PSG5: variants seen among roughly 807,000 people sequenced by gnomAD.
PSG5 encodes the protein pregnancy-specific beta-1-glycoprotein 5.
Under a neutral mutation model 37.7 loss-of-function variants are expected in PSG5, and 53 were observed. The ratio of observed to expected loss-of-function variants is 1.41; its 90% CI spans 1.13 to 1.77. PSG5 has a LOEUF of 1.77. PSG5 is among the 40% of genes most tolerant of loss of function. The pLI, the probability that PSG5 is intolerant of heterozygous loss-of-function variation, is 0.00. For synonymous variants in PSG5, 221 were observed against 155.4 expected (o/e 1.42, Z -3.14); for missense variants, 547 against 405.2 (o/e 1.35, Z -3.00).
chr19:43,184,192 T>A (rs1969192995), intron 2 of PSG5, among the ~76,000 whole-genome samples: 1 of 151,694 alleles, frequency 6.6e-6, no homozygotes, highest in South Asian at 2.1e-4. Context: ...CCACTCTGAG[T>A]GTCAGGTGAA....
At chr19:43,182,702 A>T (rs987032955) in intron 2 of PSG5, among the ~76,000 whole-genome samples, 1 of 56,094 alleles carries the variant, frequency 1.8e-5, no homozygotes, top group African/African-American at 7.8e-5. Context: ...CAACATTTCA[A>T]TAATTTTTTT....
At chr19:43,169,195 T>C (rs1968850715) in intron 5 of PSG5, among the ~76,000 whole-genome samples, 2 of 151,738 alleles carry the variant, frequency 1.3e-5, no homozygotes, top group Non-Finnish European at 2.9e-5. Context: ...AGGTCTCATT[T>C]CCTGTCTTAG....
At chr19:43,173,259 A>C (rs1460814041) in intron 4 of PSG5, among the ~76,000 whole-genome samples, 1 of 151,706 alleles carries the variant, frequency 6.6e-6, no homozygotes, top group East Asian at 1.9e-4. Flanking sequence ...TAAAAACTAC[A>C]GAACTCTTAG....
At chr19:43,174,091 C>G (rs1474476721) in intron 4 of PSG5, 2 of 151,550 alleles carry the variant, frequency 1.3e-5, no homozygotes, top group African/African-American at 4.9e-5. Context: ...AGATATTATG[C>G]TAACTGAAAT....
At chr19:43,179,031 C>T in intron 2 of PSG5, 2 of 1,612,734 alleles carry the variant, frequency 1.2e-6, no homozygotes, top group Non-Finnish European at 1.7e-6. Context: ...CATAGGGAGG[C>T]TCTGACCATT....
Position 43,175,475 on chromosome 19 carries a change from G to C in PSG5, c.710-6C>G, listed in dbSNP as rs372452998. 21 of 1,601,348 alleles carry C rather than the reference G, an allele frequency of 1.3e-5. No individual in the cohort carries two copies. Among genetic ancestry groups the C allele is most frequent in the Non-Finnish European group, 1.7e-5 (20 of 1,173,482 alleles). ...GCTGGGGAGGTCTGGACCATCTGGAGCAAAGAGAATGAAGCCACAGGTGAT... is the reference window on the plus strand; with the variant it reads ...GCTGGGGAGGTCTGGACCATCTGGACCAAAGAGAATGAAGCCACAGGTGAT... On this transcript the variant is annotated splice_polypyrimidine_tract_variant and splice_region_variant and intron_variant, in intron 3 of 5. Coordinates refer to ENST00000342951, the MANE Select transcript of PSG5 (RefSeq NM_002781.4).
rs8107936 is a variant in PSG5, at chr19:43,186,354, G to A, written c.52C>T (p.Leu18Phe). 1 of 1,611,590 alleles carries A rather than the reference G, an allele frequency of 6.2e-7. No homozygotes were observed. The highest frequency in any genetic ancestry group is 2.2e-5 in the East Asian group (1 of 44,848). The change falls in exon 1 of 6, where the codon CTC (leucine) becomes TTC (phenylalanine). Residue 18 changes from leucine (L) to phenylalanine (F), a missense_variant. Coordinates refer to ENST00000342951, the MANE Select transcript of PSG5 (RefSeq NM_002781.4). ...PCTQHITWKG[L>F]LLTASLLNFW... ...GTTCTCTCCTCACCTGTGAGCAGGA[G>A]CCCCTTCCAGGTGATGTGCTGTGTG...
intron 2 of PSG5, among the ~76,000 whole-genome samples, chr19:43,184,510 G>A (rs1035233414): frequency 6.6e-6 from 1 of 151,508 alleles, no homozygotes; most frequent in East Asian, 1.9e-4. Flanking sequence ...GGCATGAGGT[G>A]CTTGGCTGAG....
Position 43,184,863 on chromosome 19 carries a change from C to T in PSG5, c.349G>A (p.Ala117Thr), listed in dbSNP as rs752397188. The T allele has an allele frequency of 1.8e-5, 29 of 1,612,432 alleles. 2 individuals are homozygous for T. The African/African-American group carries it at 2.0e-4, about 11-fold the overall frequency. ...ATGATGTGTAAGGTGTAGGATCCTGCGTCTTCCCGGGTGACATTCTGGATC... is the reference window on the plus strand; with the variant it reads ...ATGATGTGTAAGGTGTAGGATCCTGTGTCTTCCCGGGTGACATTCTGGATC... ...LLIQNVTRED[A>T]GSYTLHIIKR... Residue 117 changes from alanine to threonine, a missense_variant, in exon 2 of 6, where the codon GCA becomes ACA. By Grantham distance (58) the Ala-to-Thr change is moderately conservative. Coordinates refer to ENST00000342951, the MANE Select transcript of PSG5 (RefSeq NM_002781.4).
intron 5 of PSG5, 60 bp downstream of exon 5, chr19:43,169,995 C>G: frequency 9.1e-7 from 1 of 1,096,654 alleles, no homozygotes; most frequent in East Asian, 2.8e-5. Context: ...AGTCTTTTCC[C>G]TCTCCCAAGC....
At chr19:43,180,625 A>C (rs865802969) in intron 2 of PSG5, 1 of 151,684 alleles carries the variant, frequency 6.6e-6, no homozygotes, top group Non-Finnish European at 1.5e-5. Flanking sequence ...TGGAGGAAAC[A>C]TTAAAATGTT....
At chr19:43,176,290 T>G in intron 2 of PSG5, 142 bp from the exon 3 acceptor site, 1 of 1,414,542 alleles carries the variant, frequency 7.1e-7, no homozygotes, top group Non-Finnish European at 9.6e-7. Flanking sequence ...TGTCACAAGA[T>G]AGATGCATGA....
intron 2 of PSG5, among the ~76,000 whole-genome samples, chr19:43,178,683 G>C (rs1568373502): frequency 1.3e-5 from 2 of 151,738 alleles, no homozygotes; most frequent in South Asian, 4.2e-4. Context: ...CCCATGACAG[G>C]AGCAGCCTCT....
chr19:43,183,272 G>C, intron 2 of PSG5: 3 of 350,580 alleles, frequency 8.6e-6, no homozygotes, highest in South Asian at 4.2e-5. Flanking sequence ...TTAGGGGCAA[G>C]AGGTAGTGGG....
At chr19:43,184,594 C>T (rs1050530626) in intron 2 of PSG5, among the ~76,000 whole-genome samples, 188 bp downstream of exon 2, 11 of 151,420 alleles carry the variant, frequency 7.3e-5, no homozygotes, top group East Asian at 1.9e-4. Flanking sequence ...GGTCTGGATG[C>T]GGGAAAGGAA....
intron 1 of PSG5, 76 bp downstream of exon 1, chr19:43,186,266 C>A (rs906965688): frequency 6.2e-7 from 1 of 1,602,888 alleles, no homozygotes; most frequent in Non-Finnish European, 8.5e-7. Flanking sequence ...TTTTTAGAAC[C>A]CCATCCTCTC....
intron 4 of PSG5, among the ~76,000 whole-genome samples, chr19:43,172,211 T>C (rs1336125253): frequency 6.6e-6 from 1 of 151,444 alleles, no homozygotes; most frequent in Admixed American, 6.6e-5. Context: ...TTTTTCATAA[T>C]GAAAACATCC....
At position 43,175,942 on chromosome 19, in the gene PSG5, C is replaced by G; in HGVS notation, c.637G>C (p.Gly213Arg). 1 of 1,612,438 alleles carries G rather than the reference C, an allele frequency of 6.2e-7. No homozygotes were observed. The highest frequency in any genetic ancestry group is 1.1e-5 in the South Asian group (1 of 91,036). Residue 213 changes from glycine to arginine, a missense_variant, in exon 3 of 6, where the codon GGA becomes CGA. Transcript: ENST00000342951. ...ILPSVTRNET[G>R]PYECEIRDRD... is the part of the protein sequence containing the mutation. The stretch of plus-strand genomic sequence containing the variant: ...TCCCGTATTTCACATTCATAGGGTC[C>G]TGTTTCATTTCTCGTGACACTGGGT...
intron 2 of PSG5, chr19:43,179,244 C>T: frequency 7.1e-7 from 1 of 1,414,328 alleles, no homozygotes; most frequent in Non-Finnish European, 9.7e-7. Context: ...GCATTTCCCA[C>T]CTGTCAGCCC....
Sources: allele counts gnomAD v4.1 joint callset (sites outside exome capture counted in the v4.1 genomes callset), GRCh38; gene constraint gnomAD v4.1.1; transcripts MANE v1.5; gene names NCBI Gene and HGNC (gene_info 2026-07-23, HGNC 2026-07-21).